The following PTPRR variants were observed in gnomAD, a reference collection of about 807,000 sequenced individuals.
PTPRR encodes protein tyrosine phosphatase receptor type R.
A neutral mutation model predicts 77.2 loss-of-function variants in PTPRR; 38 were observed. That is an observed-to-expected ratio of 0.49 (90% CI 0.38 to 0.65). The LOEUF is 0.65. Among genes scored for constraint, PTPRR ranks in the 30% least tolerant of loss-of-function variants. The pLI is 0.00. For synonymous variants in PTPRR, 299 were observed against 283.1 expected, an observed-to-expected ratio of 1.06 and a Z score of -0.57; for missense variants, 744 against 799.2, an observed-to-expected ratio of 0.93 and a Z score of 0.83.
intron 3 of PTPRR, 75 bp downstream of exon 3, chr12:70,764,590 G>T: frequency 8.3e-7 from 1 of 1,211,596 alleles, no homozygotes; most frequent in Non-Finnish European, 1.2e-6. Flanking sequence ...TACAACTATA[G>T]CATGAGCCCT....
intron 2 of PTPRR, among the ~76,000 whole-genome samples, chr12:70,815,052 A>T (rs1156330969): frequency 6.6e-6 from 1 of 151,496 alleles, no homozygotes; most frequent in African/African-American, 2.4e-5. Flanking sequence ...AGATAAGGGC[A>T]TTAAAACAGT....
At chr12:70,694,323 C>T (rs1315043370) in intron 8 of PTPRR, among the ~76,000 whole-genome samples, 3 of 152,074 alleles carry the variant, frequency 2.0e-5, no homozygotes. Flanking sequence ...TGTATCAACA[C>T]ACTGCATAAA....
chr12:70,832,291 A>T (rs1313246142), intron 2 of PTPRR, among the ~76,000 whole-genome samples: 1 of 152,178 alleles, frequency 6.6e-6, no homozygotes, highest in Non-Finnish European at 1.5e-5. Flanking sequence ...GCTCTGCCCA[A>T]TTTTTGCTGT....
chr12:70,762,853 G>T (rs367665346), intron 3 of PTPRR, among the ~76,000 whole-genome samples: 1 of 152,196 alleles, frequency 6.6e-6, no homozygotes, highest in East Asian at 1.9e-4. Context: ...GTCAGGTATT[G>T]TAACTCTAGC....
At chr12:70,732,263 T>C (rs769079455) in intron 6 of PTPRR, among the ~76,000 whole-genome samples, 4 of 152,222 alleles carry the variant, frequency 2.6e-5, no homozygotes, top group Non-Finnish European at 5.9e-5. Flanking sequence ...TTAAGTAGAC[T>C]AAGGATTCTG....
intron 13 of PTPRR, among the ~76,000 whole-genome samples, chr12:70,651,866 A>G (rs1886407142): frequency 1.3e-5 from 2 of 151,976 alleles, no homozygotes; most frequent in Non-Finnish European, 2.9e-5. Context: ...ACTTTGGACA[A>G]GTTACTCGCT....
chr12:70,662,670 A>T, intron 10 of PTPRR, 65 bp from the exon 11 acceptor site: 1 of 890,686 alleles, frequency 1.1e-6, no homozygotes, highest in Non-Finnish European at 1.8e-6. Flanking sequence ...AGTACTTTTC[A>T]TTCAAGCATC....
intron 6 of PTPRR, among the ~76,000 whole-genome samples, chr12:70,704,339 G>C (rs1888539768): frequency 6.6e-6 from 1 of 151,986 alleles, no homozygotes; most frequent in Non-Finnish European, 1.5e-5. Flanking sequence ...GATTGCTTGA[G>C]CCCAGGAGTT....
intron 8 of PTPRR, among the ~76,000 whole-genome samples, chr12:70,693,173 T>A (rs184118596): frequency 6.6e-6 from 1 of 152,220 alleles, no homozygotes; most frequent in South Asian, 2.1e-4. Context: ...ATGATGTATA[T>A]GATTTACTGG....
At chr12:70,667,447 T>G (rs1473274562) in intron 10 of PTPRR, among the ~76,000 whole-genome samples, 1 of 152,174 alleles carries the variant, frequency 6.6e-6, no homozygotes, top group Non-Finnish European at 1.5e-5. Flanking sequence ...CACCCTTAAT[T>G]GCTTGGTCAG....
At chr12:70,697,025 T>C (rs939746393) in intron 8 of PTPRR, among the ~76,000 whole-genome samples, 3 of 152,188 alleles carry the variant, frequency 2.0e-5, no homozygotes, top group African/African-American at 7.2e-5. Context: ...CTATTATGAA[T>C]AATGCTGTTA....
intron 5 of PTPRR, among the ~76,000 whole-genome samples, chr12:70,746,569 A>G (rs1890220430): frequency 6.6e-6 from 1 of 152,224 alleles, no homozygotes; most frequent in African/African-American, 2.4e-5. Flanking sequence ...TCTCTGCATT[A>G]GTCATATATC....
At chr12:70,876,028 T>G (rs940869303) in intron 2 of PTPRR, among the ~76,000 whole-genome samples, 6 of 152,174 alleles carry the variant, frequency 3.9e-5, no homozygotes, top group African/African-American at 7.2e-5. Flanking sequence ...CTGGTAAGAC[T>G]ATGAGTACAT....
intron 2 of PTPRR, among the ~76,000 whole-genome samples, chr12:70,833,546 T>A (rs1010037870): frequency 6.6e-6 from 1 of 152,040 alleles, no homozygotes; most frequent in Non-Finnish European, 1.5e-5. Context: ...CAATTTAAGG[T>A]AAAGAACAGA....
At chr12:70,668,278 A>AGAG (rs760628477) in intron 10 of PTPRR, among the ~76,000 whole-genome samples, 2 of 151,802 alleles carry the variant, frequency 1.3e-5, no homozygotes, top group Admixed American at 6.6e-5. Context: ...AAGAGGAGGA[A>AGAG]GAGGAGGAGG....
In PTPRR at chr12:70,779,372, C is replaced by T. The variant is rs1013565079; in HGVS notation, c.358-14594G>A. Among the ~76,000 whole-genome samples, 8 of 152,130 alleles carry T rather than the reference C, an allele frequency of 5.3e-5. No homozygotes were observed. In the South Asian group the frequency reaches 6.2e-4, roughly 12 times the overall value. On this transcript the variant is annotated intron_variant, in intron 2 of 13. Transcript: ENST00000283228. ...TCCAGTTCCTCAAGCCAGCTATGCT[C>T]ATTTTTACCTTATGGGCTTGGCATG...
At chr12:70,755,299 G>A (rs74101580) in intron 4 of PTPRR, among the ~76,000 whole-genome samples, 2,247 of 152,138 alleles carry the variant, frequency 0.015, 50 homozygotes, top group African/African-American at 0.052. Flanking sequence ...GTCTGTCCTT[G>A]GTTATTGTTT....
intron 6 of PTPRR, among the ~76,000 whole-genome samples, chr12:70,742,229 G>T (rs1396754521): frequency 6.6e-6 from 1 of 152,150 alleles, no homozygotes; most frequent in African/African-American, 2.4e-5. Context: ...CCAGAAGTAG[G>T]TTAGATGAAT....
At chr12:70,903,758 G>T (rs1565736757) in intron 1 of PTPRR, among the ~76,000 whole-genome samples, 1 of 151,726 alleles carries the variant, frequency 6.6e-6, no homozygotes, top group Non-Finnish European at 1.5e-5. Flanking sequence ...AAAGAAATTT[G>T]CTCTGTGAAA....
Sources: gnomAD v4.1 joint callset for allele counts (sites outside exome capture counted in the v4.1 genomes callset) on GRCh38, gnomAD v4.1.1 for gene constraint, MANE v1.5 for transcripts, NCBI Gene and HGNC (gene_info 2026-07-23, HGNC 2026-07-21) for gene names.